Variants in DCSTAMP observed in about 807,000 individuals in gnomAD.
DCSTAMP encodes dendrocyte expressed seven transmembrane protein, also known as dendritic cell-specific transmembrane protein.
A neutral mutation model predicts 33.8 loss-of-function variants in DCSTAMP; 25 were observed. The observed-to-expected ratio is 0.74, with a 90% CI of 0.54 to 1.03. The LOEUF is 1.03. DCSTAMP is among the 50% of genes least tolerant of loss of function. The pLI, the probability that DCSTAMP is intolerant of heterozygous loss-of-function variation, is 0.00. For synonymous variants in DCSTAMP, 245 were observed against 216.7 expected, an observed-to-expected ratio of 1.13 and a Z score of -1.15; for missense variants, 531 against 556.8, an observed-to-expected ratio of 0.95 and a Z score of 0.47.
At chr8:104,345,923 A>C (rs978855378) in intron 1 of DCSTAMP, among the ~76,000 whole-genome samples, 1 of 152,236 alleles carries the variant, frequency 6.6e-6, no homozygotes, top group African/African-American at 2.4e-5. Flanking sequence ...GTCAGCTCTT[A>C]ACAGCCACTG....
chr8:104,353,407 C>G (rs944707625), intron 2 of DCSTAMP, among the ~76,000 whole-genome samples: 21 of 152,216 alleles, frequency 1.4e-4, no homozygotes, highest in Admixed American at 1.4e-3. Context: ...GCTGCAAAAT[C>G]CCCAGTTAAA....
At chr8:104,346,946 A>T (rs986990507) in intron 1 of DCSTAMP, among the ~76,000 whole-genome samples, 1 of 152,268 alleles carries the variant, frequency 6.6e-6, no homozygotes, top group African/African-American at 2.4e-5. Context: ...TACTCCGTAA[A>T]TTCAGACCCA....
At chr8:104,345,496 T>C (rs1301690274) in intron 1 of DCSTAMP, among the ~76,000 whole-genome samples, 1 of 152,178 alleles carries the variant, frequency 6.6e-6, no homozygotes, top group African/African-American at 2.4e-5. Flanking sequence ...AACACAAAAA[T>C]AAGAAGGATA....
chr8:104,348,822 C>T lies in DCSTAMP; in HGVS notation c.270C>T (p.Gly90=). ...TTCTTCTTGTCTTTCTCTCTTGTGG[C>T]CTGCGTGAAGGCAGGAATGCTTTGA... ...CFILLVFLSC[G]LREGRNALIA... is the part of the protein sequence containing the mutation. Residue 90 remains glycine, a synonymous_variant, in exon 2 of 4, where the codon GGC becomes GGT. Coordinates refer to ENST00000297581, the MANE Select transcript of DCSTAMP (RefSeq NM_030788.4). 1 of 1,614,158 alleles carries T rather than the reference C, an allele frequency of 6.2e-7. No individual in the cohort carries two copies. The highest frequency in any genetic ancestry group is 8.5e-7 in the Non-Finnish European group (1 of 1,180,036).
At chr8:104,354,742 G>T in intron 2 of DCSTAMP, 135 bp from the exon 3 acceptor site, 1 of 611,216 alleles carries the variant, frequency 1.6e-6, no homozygotes, top group East Asian at 2.8e-5. Context: ...CACAAAGGAA[G>T]ATGTGATAGT....
intron 1 of DCSTAMP, among the ~76,000 whole-genome samples, chr8:104,345,475 G>A (rs946082193): frequency 1.1e-4 from 16 of 152,150 alleles, no homozygotes; most frequent in Admixed American, 9.8e-4. Flanking sequence ...GTCTGGTGAC[G>A]TGCTGTTTTT....
rs758884670 is a variant in DCSTAMP at position 104,349,209 on chromosome 8, G to C, written c.657G>C (p.Gly219=). 1.9e-6 allele frequency: 3 copies of C among 1,614,084 alleles called. No individual in the cohort carries two copies. Among genetic ancestry groups the C allele is most frequent in the Middle Eastern group, 1.6e-4 (1 of 6,084 alleles). ...GTCAGAAGCTACTTGCCTTTGCAGG[G>C]CTTTCGCTCGTCCTGCTTGGCACTG... ...SLGQKLLAFA[G]LSLVLLGTGL... The change falls in exon 2 of 4, where the codon GGG becomes GGC. Residue 219 remains glycine (G), a synonymous_variant. Transcript: ENST00000297581.
intron 3 of DCSTAMP, 46 bp from the exon 4 acceptor site, chr8:104,356,078 T>A (rs768862327): frequency 1.4e-5 from 22 of 1,557,882 alleles, no homozygotes; most frequent in Non-Finnish European, 1.9e-5. Flanking sequence ...GCATTTAAAA[T>A]GACTCCAACT....
At chr8:104,343,886 G>A (rs1044041011) in intron 1 of DCSTAMP, among the ~76,000 whole-genome samples, 3 of 152,208 alleles carry the variant, frequency 2.0e-5, no homozygotes, top group African/African-American at 7.2e-5. Context: ...GGAACTTCCA[G>A]CCTCCACCAC....
chr8:104,348,422 A>C (rs1810371404), intron 1 of DCSTAMP, 119 bp from the exon 2 acceptor site: 1 of 943,336 alleles, frequency 1.1e-6, no homozygotes. Context: ...GGGAGAGGAC[A>C]CAGGAAGAGT....
At position 104,356,318 on chromosome 8, in the gene DCSTAMP, GT is replaced by G; in HGVS notation, c.*123del. 1.0e-6 allele frequency: 1 copy of G among 967,880 alleles called. No individual in the cohort carries two copies. 60.0% of individuals were successfully genotyped at this position (967,880 alleles called of 1,614,324 possible). A position where few individuals can be genotyped will look rare whatever the true frequency, so the allele number is the denominator to read the frequency against. On this transcript the variant is annotated 3_prime_UTR_variant, in exon 4 of 4. Coordinates refer to ENST00000297581, the MANE Select transcript of DCSTAMP (RefSeq NM_030788.4). Reference sequence around the variant, plus strand: ...TGACGCAGTCCTCTCAGGAGTCTGAGTTTACAGAGCCAACTTGCAGCACCTG... The same window carrying G: ...TGACGCAGTCCTCTCAGGAGTCTGAGTTACAGAGCCAACTTGCAGCACCTG...
At position 104,348,611 on chromosome 8, in the gene DCSTAMP, C is replaced by A; in HGVS notation, c.59C>A (p.Ser20Tyr). Reference protein sequence around the residue: ...IFLSLWEIYVSPRSPGWMDFI... With the variant: ...IFLSLWEIYVYPRSPGWMDFI... ...CTAAGTCTTTGGGAGATTTACGTGTCTCCAAGAAGCCCCGGATGGATGGAC... is the reference window on the plus strand; with the variant it reads ...CTAAGTCTTTGGGAGATTTACGTGTATCCAAGAAGCCCCGGATGGATGGAC... The change falls in exon 2 of 4, where the codon TCT (serine) becomes TAT (tyrosine). Residue 20 changes from serine (S) to tyrosine (Y), a missense_variant. By Grantham distance (144) the Ser-to-Tyr change is moderately radical (BLOSUM62 -2). Coordinates refer to ENST00000297581, the MANE Select transcript of DCSTAMP (RefSeq NM_030788.4). 6.2e-7 allele frequency: 1 copy of A among 1,614,182 alleles called. No individual in the cohort carries two copies. The highest frequency in any genetic ancestry group is 8.5e-7 in the Non-Finnish European group (1 of 1,180,036).
rs757576720 is a variant in DCSTAMP at position 104,349,460 on chromosome 8, ATC to A, written c.912_913del (p.Cys305HisfsTer30). The A allele has an allele frequency of 8.1e-5, 130 of 1,613,914 alleles. No homozygotes were observed. The highest frequency in any genetic ancestry group is 1.0e-4 in the Non-Finnish European group (120 of 1,179,998). Reference sequence around the variant, plus strand: ...CTGTTTTTCCTCCCCATACTTATCCATCTCTGCATCTGGGTGCTGTTTGCAGC... The same window carrying A: ...CTGTTTTTCCTCCCCATACTTATCCATCTGCATCTGGGTGCTGTTTGCAGC... On this transcript the variant is annotated frameshift_variant, in exon 2 of 4. Transcript: ENST00000297581. LOFTEE classifies it high-confidence loss of function.
rs368175914 is a variant in DCSTAMP, at chr8:104,348,653, G to C, written c.101G>C (p.Gly34Ala). Residue 34 changes from glycine (G) to alanine (A), a missense_variant, in exon 2 of 4, where the codon GGA becomes GCA. Transcript: ENST00000297581. ...TGGATGGACTTTATCCAGCATTTGG[G>C]AGTTTGCTGTTTGGTTGCTCTTATT... The part of the protein sequence containing the change: ...PGWMDFIQHL[G>A]VCCLVALISV... The C allele has an allele frequency of 1.2e-6, 2 of 1,614,078 alleles. No homozygotes were observed. The highest frequency in any genetic ancestry group is 2.7e-5 in the African/African-American group (2 of 74,936).
At chr8:104,346,099 C>T (rs554488131) in intron 1 of DCSTAMP, among the ~76,000 whole-genome samples, 1 of 152,366 alleles carries the variant, frequency 6.6e-6, no homozygotes, top group South Asian at 2.1e-4. Context: ...TGATTGCTGA[C>T]AAATTCCGGC....
chr8:104,355,056 G>C lies in DCSTAMP; in HGVS notation c.1209G>C (p.Leu403=), dbSNP rs779549182. The change falls in exon 3 of 4, where the codon CTG becomes CTC. Residue 403 remains leucine, a synonymous_variant. Transcript: ENST00000297581. ...CTATCCTTATGCAACTTAAAATCCT[G>C]GTGTCAGCATCTTTCTACCCCAGCG... ...LSSILMQLKI[L]VSASFYPSVE... is the part of the protein sequence containing the mutation. The C allele has an allele frequency of 2.5e-6, 4 of 1,613,856 alleles. No homozygotes were observed. In the Admixed American group the frequency reaches 6.7e-5, roughly 27 times the overall value.
Position 104,349,329 on chromosome 8 carries a change from A to C in DCSTAMP, c.777A>C (p.Arg259Ser). 6.2e-7 allele frequency: 1 copy of C among 1,614,218 alleles called. No homozygotes were observed. Among genetic ancestry groups the C allele is most frequent in the South Asian group, 1.1e-5 (1 of 91,084 alleles). The change falls in exon 2 of 4, where the codon AGA (arginine) becomes AGC (serine). Residue 259 changes from arginine (R) to serine (S), a missense_variant. Physicochemically the swap from Arg to Ser is moderately radical, Grantham distance 110 (BLOSUM62 -1). Coordinates refer to ENST00000297581, the MANE Select transcript of DCSTAMP (RefSeq NM_030788.4). ...RQFVQFDERERHQQRPCVLPL... is the reference protein window; with the variant it reads ...RQFVQFDERESHQQRPCVLPL... The stretch of plus-strand genomic sequence containing the variant: ...TTGTTCAGTTTGATGAAAGGGAGAG[A>C]CATCAACAGAGGCCCTGTGTGCTCC...
chr8:104,348,843 T>C lies in DCSTAMP; in HGVS notation c.291T>C (p.Ala97=). 1 of 1,614,236 alleles carries C rather than the reference T, an allele frequency of 6.2e-7. No individual in the cohort carries two copies. The highest frequency in any genetic ancestry group is 8.5e-7 in the Non-Finnish European group (1 of 1,180,044). Residue 97 remains alanine, a synonymous_variant, in exon 2 of 4, where the codon GCT becomes GCC. Transcript: ENST00000297581. ...GTGGCCTGCGTGAAGGCAGGAATGCTTTGATTGCAGCTGGCACAGGGATCG... is the reference window on the plus strand; with the variant it reads ...GTGGCCTGCGTGAAGGCAGGAATGCCTTGATTGCAGCTGGCACAGGGATCG... ...LSCGLREGRN[A]LIAAGTGIVI...
In DCSTAMP at chr8:104,341,457, C is replaced by T. The variant is rs1401102762; in HGVS notation, c.-13+1595C>T. Among the ~76,000 whole-genome samples the T allele has an allele frequency of 2.0e-5, 3 of 152,210 alleles. 1 individual carries two copies. The highest frequency in any genetic ancestry group is 7.2e-5 in the African/African-American group (3 of 41,442). Reference sequence around the variant, plus strand: ...GTGGGTGGGGGCTGTGAGCCCTGTGCCCTCCATGCTGGGGCTCTCAATGCT... The same window carrying T: ...GTGGGTGGGGGCTGTGAGCCCTGTGTCCTCCATGCTGGGGCTCTCAATGCT... On this transcript the variant is annotated intron_variant, in intron 1 of 3. Transcript: ENST00000297581.
Sources: gnomAD v4.1 joint callset for allele counts (sites outside exome capture counted in the v4.1 genomes callset) on GRCh38, gnomAD v4.1.1 for gene constraint, MANE v1.5 for transcripts, NCBI Gene and HGNC (gene_info 2026-07-23, HGNC 2026-07-21) for gene names.